The following WFDC1 variants were observed in gnomAD, a reference collection of about 807,000 sequenced individuals.
WFDC1 encodes WAP four-disulfide core domain 1, also known as WAP four-disulfide core domain protein 1.
Under a neutral mutation model 32.9 loss-of-function variants are expected in WFDC1, and 39 were observed. The ratio of observed to expected loss-of-function variants is 1.19; its 90% CI spans 0.92 to 1.55. WFDC1 has a LOEUF of 1.55. Ranked by LOEUF, WFDC1 falls within the 40% of genes most tolerant of loss-of-function variation. The pLI is 0.00. For synonymous variants in WFDC1, 184 were observed against 137.4 expected, an observed-to-expected ratio of 1.34 and a Z score of -2.37; for missense variants, 386 against 309.5, an observed-to-expected ratio of 1.25 and a Z score of -1.85.
At chr16:84,302,111 A>G (rs1906974397) in intron 1 of WFDC1, among the ~76,000 whole-genome samples, 1 of 152,146 alleles carries the variant, frequency 6.6e-6, no homozygotes, top group South Asian at 2.1e-4. Context: ...TGAGTGCACA[A>G]AGGCCACGGG....
chr16:84,304,898 G>C (rs3785042), intron 1 of WFDC1, among the ~76,000 whole-genome samples: 99,546 of 152,124 alleles, frequency 0.65, 33,067 homozygotes, highest in Middle Eastern at 0.8. Context: ...CACTTTGGGA[G>C]GGGGAGAGAG....
chr16:84,306,120 CTT>C, intron 1 of WFDC1, among the ~76,000 whole-genome samples: 1 of 152,190 alleles, frequency 6.6e-6, no homozygotes, highest in South Asian at 2.1e-4. Context: ...GGTGTGGTCT[CTT>C]TTGATCTTCA....
rs1425906079 is a variant in WFDC1, at chr16:84,295,184, C to G, written c.144+69C>G. ...GGAGTCAGCCTTGAGGAGAGGCGAT[C>G]CCTAGACACTGCCTTCTCCTGTAAG... On this transcript the variant is annotated intron_variant, in intron 1 of 6. Transcript: ENST00000219454. The G allele has an allele frequency of 2.6e-6, 4 of 1,568,390 alleles. No individual in the cohort carries two copies. In the African/African-American group the frequency reaches 5.4e-5, roughly 21 times the overall value.
intron 1 of WFDC1, among the ~76,000 whole-genome samples, chr16:84,306,286 A>G (rs2326206): frequency 0.51 from 77,543 of 151,994 alleles, 20,956 homozygotes; most frequent in Middle Eastern, 0.65. Flanking sequence ...TGTGCAAAGC[A>G]GCCTTTGATG....
chr16:84,310,031 G>T (rs1162339605), intron 1 of WFDC1, among the ~76,000 whole-genome samples: 1 of 152,142 alleles, frequency 6.6e-6, no homozygotes, highest in Admixed American at 6.5e-5. Flanking sequence ...AGGATTCCAG[G>T]GAGTAGGGCC....
At chr16:84,297,888 C>G (rs911036768) in intron 1 of WFDC1, among the ~76,000 whole-genome samples, 1 of 152,074 alleles carries the variant, frequency 6.6e-6, no homozygotes, top group Non-Finnish European at 1.5e-5. Flanking sequence ...TGATAGGAAG[C>G]AGCCCCCACA....
chr16:84,297,694 G>T (rs553087005), intron 1 of WFDC1, among the ~76,000 whole-genome samples: 3 of 151,370 alleles, frequency 2.0e-5, no homozygotes, highest in Admixed American at 2.0e-4. Context: ...GTTCGCCTGT[G>T]GCTCAGAGGA....
chr16:84,306,004 AAATAATAATAATAATAATAATAAT>A (rs141595518), intron 1 of WFDC1, among the ~76,000 whole-genome samples: 10 of 144,528 alleles, frequency 6.9e-5, no homozygotes, highest in East Asian at 2.0e-4. Flanking sequence ...CCTTTTCTCA[AAATAATAATAATAATAATAATAAT>A]AATAATAATA....
rs1196025056 is a variant in WFDC1, at chr16:84,318,311, G to T, written c.377G>T (p.Gly126Val). 1 of 1,614,164 alleles carries T rather than the reference G, an allele frequency of 6.2e-7. No homozygotes were observed. The stretch of plus-strand genomic sequence containing the variant: ...GTGCAGCCGAAACCTCGATGGCTTG[G>T]TGGCAATGGCTGGCTCCTGGATGGC... ...WLVQPKPRWL[G>V]GNGWLLDGPE... Residue 126 changes from glycine (G) to valine (V), a missense_variant, in exon 3 of 7, where the codon GGT becomes GTT. By Grantham distance (109) the Gly-to-Val change is moderately radical. Coordinates refer to ENST00000219454, the MANE Select transcript of WFDC1 (RefSeq NM_021197.4).
intron 2 of WFDC1, among the ~76,000 whole-genome samples, chr16:84,314,410 G>T (rs1355925445): frequency 1.3e-5 from 2 of 152,178 alleles, no homozygotes; most frequent in South Asian, 4.1e-4. Flanking sequence ...TCTGCTCAGG[G>T]TGATAACAAC....
chr16:84,311,695 CTT>C (rs67144104), intron 1 of WFDC1, among the ~76,000 whole-genome samples: 3 of 73,458 alleles, frequency 4.1e-5, no homozygotes, highest in Admixed American at 2.0e-4. Flanking sequence ...TGCCTGACTG[CTT>C]TTTTTTTTTT....
intron 2 of WFDC1, chr16:84,316,331 A>G (rs980361617): frequency 3.3e-5 from 5 of 152,250 alleles, no homozygotes; most frequent in African/African-American, 1.2e-4. Flanking sequence ...ATACTTTAAA[A>G]GATGCTAATT....
rs1432950549 is a variant in WFDC1 at position 84,307,231 on chromosome 16, ATAAAT to A, written c.145-5728_145-5724del. ...ACTCCTTTAACCCATGGGGCCAGGG[ATAAAT>A]TGGAGGGTAAGCTGTTCATGTCTCT... On this transcript the variant is annotated intron_variant, in intron 1 of 6. Coordinates refer to ENST00000219454, the MANE Select transcript of WFDC1 (RefSeq NM_021197.4). 2.6e-5 allele frequency among the ~76,000 whole-genome samples: 4 copies of A among 152,300 alleles called. No individual in the cohort carries two copies. The East Asian group carries it at 7.7e-4, about 29-fold the overall frequency.
At chr16:84,321,477 G>T (rs561527312) in intron 4 of WFDC1, among the ~76,000 whole-genome samples, 1 of 152,288 alleles carries the variant, frequency 6.6e-6, no homozygotes, top group African/African-American at 2.4e-5. Context: ...AGTTCGTTGG[G>T]CTATGCCACC....
At chr16:84,314,033 C>G (rs1225440556) in intron 2 of WFDC1, among the ~76,000 whole-genome samples, 1 of 128,460 alleles carries the variant, frequency 7.8e-6, no homozygotes, top group African/African-American at 3.1e-5. Context: ...CAAAGTGAGA[C>G]TCTGTCTCAA....
intron 2 of WFDC1, 102 bp downstream of exon 2, chr16:84,313,255 C>G (rs1907753008): frequency 8.5e-7 from 1 of 1,173,016 alleles, no homozygotes; most frequent in Non-Finnish European, 1.1e-6. Context: ...GCTGGGCCAC[C>G]TGGGCGGGTC....
At chr16:84,306,642 C>T (rs1270361409) in intron 1 of WFDC1, among the ~76,000 whole-genome samples, 1 of 152,232 alleles carries the variant, frequency 6.6e-6, no homozygotes, top group African/African-American at 2.4e-5. Context: ...CACACCTGTG[C>T]AGGACCCCTG....
intron 1 of WFDC1, among the ~76,000 whole-genome samples, chr16:84,296,556 T>C (rs1862806): frequency 0.2 from 29,854 of 152,048 alleles, 3,526 homozygotes; most frequent in East Asian, 0.36. Flanking sequence ...GAATGATTAA[T>C]GACCCCAGGC....
intron 2 of WFDC1, among the ~76,000 whole-genome samples, chr16:84,314,123 C>T (rs987252331): frequency 1.3e-5 from 2 of 152,152 alleles, no homozygotes; most frequent in African/African-American, 2.4e-5. Flanking sequence ...CTCAGCACTG[C>T]GCGGGGCTGG....
Sources: allele counts gnomAD v4.1 joint callset (sites outside exome capture counted in the v4.1 genomes callset), GRCh38; gene constraint gnomAD v4.1.1; transcripts MANE v1.5; gene names NCBI Gene and HGNC (gene_info 2026-07-23, HGNC 2026-07-21).